PRKG1: variants seen among roughly 807,000 people sequenced by gnomAD.
The protein encoded by PRKG1 is protein kinase cGMP-dependent 1.
A neutral mutation model predicts 88.1 loss-of-function variants in PRKG1; 35 were observed. That is an observed-to-expected ratio of 0.40 (90% confidence interval 0.30 to 0.53). PRKG1 has a LOEUF of 0.53. Ranked by LOEUF, PRKG1 falls within the 20% of genes least tolerant of loss-of-function variation. The pLI, the probability that PRKG1 is intolerant of heterozygous loss-of-function variation, is 0.59. For missense variants in PRKG1, 540 were observed against 839.8 expected (o/e 0.64, Z 4.41); for synonymous variants, 303 against 292.5 (o/e 1.04, Z -0.37).
At chr10:51,116,873 G>A (rs1318640772) in intron 1 of PRKG1, among the ~76,000 whole-genome samples, 1 of 152,162 alleles carries the variant, frequency 6.6e-6, no homozygotes, top group East Asian at 1.9e-4. Flanking sequence ...TCCACCCTTT[G>A]GCATCTCTGT....
Position 51,844,508 on chromosome 10 carries a change from A to G in PRKG1, c.698+39818A>G, listed in dbSNP as rs375070024. On this transcript the variant is annotated intron_variant, in intron 4 of 17. Transcript: ENST00000373980. ...TTACTAACTTTAATAGATTATACTTATAGTGGTAATTAGGTTAATTAATTT... is the reference window on the plus strand; with the variant it reads ...TTACTAACTTTAATAGATTATACTTGTAGTGGTAATTAGGTTAATTAATTT... 2.6e-4 allele frequency among the ~76,000 whole-genome samples: 39 copies of G among 152,302 alleles called. No individual in the cohort carries two copies. The East Asian group carries it at 6.4e-3, about 25-fold the overall frequency.
chr10:51,241,473 A>C (rs1839151085), intron 2 of PRKG1, among the ~76,000 whole-genome samples: 1 of 152,184 alleles, frequency 6.6e-6, no homozygotes, highest in South Asian at 2.1e-4. Flanking sequence ...ATTTAAGCCG[A>C]GGGAGGTAAA....
chr10:52,069,753 T>A (rs1043230060), intron 7 of PRKG1, among the ~76,000 whole-genome samples: 4 of 152,134 alleles, frequency 2.6e-5, no homozygotes, highest in African/African-American at 9.7e-5. Context: ...TCATTGCTCA[T>A]GTGTCTATAA....
At chr10:52,072,782 C>T (rs570031904) in intron 7 of PRKG1, among the ~76,000 whole-genome samples, 3 of 152,266 alleles carry the variant, frequency 2.0e-5, no homozygotes, top group South Asian at 4.1e-4. Context: ...GCCACTGTTC[C>T]TGTTAGTGCC....
intron 8 of PRKG1, among the ~76,000 whole-genome samples, chr10:52,157,788 C>G (rs75810540): frequency 0.18 from 26,624 of 151,240 alleles, 2,724 homozygotes; most frequent in South Asian, 0.3. Flanking sequence ...TCTTCCCTTC[C>G]TTGTTCTTCC....
intron 3 of PRKG1, among the ~76,000 whole-genome samples, chr10:51,720,520 G>A (rs1044121026): frequency 2.0e-5 from 3 of 152,176 alleles, no homozygotes; most frequent in Non-Finnish European, 2.9e-5. Context: ...TTCCTATGAC[G>A]AGAGTGCTTT....
chr10:51,604,037 T>G (rs1237374940), intron 3 of PRKG1, among the ~76,000 whole-genome samples: 4 of 151,604 alleles, frequency 2.6e-5, no homozygotes, highest in African/African-American at 7.3e-5. Context: ...TTTATATCTG[T>G]GAAATGAGAG....
rs377319714 is a variant in PRKG1 at position 51,693,410 on chromosome 10, CATTTT to C, written c.593-111169_593-111165del. ...CCCAAGTGTCACTTATTTTTAAATTCATTTTATTTTGAGACAGAGTCTCATCTGTT... is the reference window on the plus strand; with the variant it reads ...CCCAAGTGTCACTTATTTTTAAATTCATTTTGAGACAGAGTCTCATCTGTT... On this transcript the variant is annotated intron_variant, in intron 3 of 17. Coordinates refer to ENST00000373980, the MANE Select transcript of PRKG1 (RefSeq NM_006258.4). 2.4e-4 allele frequency among the ~76,000 whole-genome samples: 30 copies of C among 123,962 alleles called. No individual in the cohort carries two copies. In the East Asian group the frequency reaches 6.2e-3, roughly 26 times the overall value. The allele number at this position is 123,962 out of a possible 152,430, so 81.3% of individuals were successfully genotyped here.
chr10:51,859,632 G>A (rs962207612), intron 4 of PRKG1, among the ~76,000 whole-genome samples: 2 of 152,050 alleles, frequency 1.3e-5, no homozygotes, highest in African/African-American at 4.8e-5. Flanking sequence ...AAATGCACAT[G>A]GCAATTACAG....
intron 5 of PRKG1, among the ~76,000 whole-genome samples, chr10:52,026,403 A>G (rs1024177847): frequency 3.7e-4 from 57 of 152,336 alleles, no homozygotes; most frequent in African/African-American, 1.4e-3. Flanking sequence ...TTTGAGCTAC[A>G]GTGTGAATGA....
chr10:52,042,000 A>C lies in PRKG1; in HGVS notation c.763-12484A>C, dbSNP rs1044408752. Reference sequence around the variant, plus strand: ...TAGATACCTAGGAATAAATTTAACCAAGGAGGTGAAGCAAGATCTCTACAC... The same window carrying C: ...TAGATACCTAGGAATAAATTTAACCCAGGAGGTGAAGCAAGATCTCTACAC... On this transcript the variant is annotated intron_variant, in intron 5 of 17. Transcript: ENST00000373980. Among the ~76,000 whole-genome samples, 5 of 152,104 alleles carry C rather than the reference A, an allele frequency of 3.3e-5. No homozygotes were observed. In the East Asian group the frequency reaches 9.6e-4, roughly 29 times the overall value.
intron 1 of PRKG1, among the ~76,000 whole-genome samples, chr10:51,004,653 A>C (rs1192999022): frequency 6.6e-6 from 1 of 152,070 alleles, no homozygotes; most frequent in African/African-American, 2.4e-5. Context: ...TTTCGGAATG[A>C]TGTTTACATG....
intron 8 of PRKG1, among the ~76,000 whole-genome samples, chr10:52,157,306 G>GAGATATATATATATATATATATATAT (rs1289803162): frequency 1.3e-4 from 16 of 125,928 alleles, no homozygotes; most frequent in East Asian, 5.3e-4. Context: ...TGAGTTAGTT[G>GAGATATATATATATATATATATATAT]ATATATATAT....
chr10:51,244,920 T>G (rs544951087), intron 2 of PRKG1: 1 of 152,064 alleles, frequency 6.6e-6, no homozygotes, highest in South Asian at 2.1e-4. Flanking sequence ...CCTTTGTGAA[T>G]ACTGGGACTA....
chr10:51,354,034 A>C (rs1048997946), intron 2 of PRKG1, among the ~76,000 whole-genome samples: 11 of 152,156 alleles, frequency 7.2e-5, no homozygotes, highest in African/African-American at 2.4e-4. Flanking sequence ...TAAGTGAAGT[A>C]AGCCAGGCAC....
rs554480840 is a variant in PRKG1, at chr10:51,043,515, T to A, written c.266+51871T>A. Among the ~76,000 whole-genome samples, 39 of 152,298 alleles carry A rather than the reference T, an allele frequency of 2.6e-4. 1 individual carries two copies. The highest frequency in any genetic ancestry group is 3.4e-3 in the Middle Eastern group (1 of 294). ...TTCTATAGCATTATTTATTTAATCC[T>A]GTAGTAGCAATTATTATACAATATG... On this transcript the variant is annotated intron_variant, in intron 1 of 17. Transcript: ENST00000401604.
At chr10:51,414,418 A>G (rs965609428) in intron 2 of PRKG1, among the ~76,000 whole-genome samples, 7 of 152,220 alleles carry the variant, frequency 4.6e-5, no homozygotes, top group African/African-American at 7.2e-5. Flanking sequence ...TAAATAGTAC[A>G]GTTAATATTT....
chr10:51,458,158 C>T (rs1031700527), intron 2 of PRKG1, among the ~76,000 whole-genome samples: 1 of 152,132 alleles, frequency 6.6e-6, no homozygotes, highest in Non-Finnish European at 1.5e-5. Flanking sequence ...ACATATATCA[C>T]ATCAAGCGCA....
At chr10:51,475,295 G>A (rs1004413177) in intron 3 of PRKG1, among the ~76,000 whole-genome samples, 10 of 151,932 alleles carry the variant, frequency 6.6e-5, no homozygotes, top group African/African-American at 2.2e-4. Flanking sequence ...TGGAACAGCA[G>A]CATCAGCATC....
Sources: gnomAD v4.1 joint callset for allele counts (sites outside exome capture counted in the v4.1 genomes callset) on GRCh38, gnomAD v4.1.1 for gene constraint, MANE v1.5 for transcripts, NCBI Gene and HGNC (gene_info 2026-07-23, HGNC 2026-07-21) for gene names.